The following FAM174B variants were observed in gnomAD, a reference collection of about 807,000 sequenced individuals.
FAM174B encodes membrane protein FAM174B.
FAM174B carries 12 observed loss-of-function variants against 10.9 expected under a neutral mutation model. That is an observed-to-expected ratio of 1.10 (90% CI 0.71 to 1.79). The LOEUF (loss-of-function observed/expected upper bound fraction) is 1.79. FAM174B is among the 40% of genes most tolerant of loss of function. The pLI is 0.00. For synonymous variants in FAM174B, 132 were observed against 115.8 expected, an observed-to-expected ratio of 1.14 and a Z score of -0.90; for missense variants, 266 against 233.3, an observed-to-expected ratio of 1.14 and a Z score of -0.91.
intron 1 of FAM174B, among the ~76,000 whole-genome samples, chr15:92,630,880 T>C (rs62020345): frequency 0.083 from 3,228 of 38,904 alleles, 412 homozygotes; most frequent in Non-Finnish European, 0.19. Context: ...TTATATATTA[T>C]ATATTACGTA....
chr15:92,617,566 T>C lies in FAM174B; in HGVS notation c.*1890A>G. ...GGACCAGTGGCAAGCACCTGGCAGA[T>C]GGAGCCCGGGTGTTTCTGCGTAAGG... On this transcript the variant is annotated 3_prime_UTR_variant, in exon 3 of 3. Coordinates refer to ENST00000327355, the MANE Select transcript of FAM174B (RefSeq NM_207446.3). 3.7e-6 allele frequency: 2 copies of C among 539,502 alleles called. No homozygotes were observed. The highest frequency in any genetic ancestry group is 6.5e-6 in the Non-Finnish European group (2 of 306,168). 33.4% of individuals were successfully genotyped at this position (539,502 alleles called of 1,614,324 possible).
intron 1 of FAM174B, among the ~76,000 whole-genome samples, chr15:92,630,560 T>C (rs982002675): frequency 2.0e-4 from 31 of 151,852 alleles, no homozygotes; most frequent in African/African-American, 6.8e-4. Flanking sequence ...GTTAACACCC[T>C]GCTGCCCCAC....
chr15:92,624,009 G>A (rs1049176511), intron 2 of FAM174B, among the ~76,000 whole-genome samples: 10 of 150,588 alleles, frequency 6.6e-5, no homozygotes, highest in Non-Finnish European at 1.2e-4. Context: ...TCCTGTTCAC[G>A]TAGGCTCCAT....
chr15:92,645,385 AACCC>A (rs2050919753), intron 1 of FAM174B: 2 of 152,278 alleles, frequency 1.3e-5, no homozygotes, highest in Non-Finnish European at 2.9e-5. Context: ...TGGGCCAGAC[AACCC>A]TGAAGAGCTC....
In FAM174B at chr15:92,649,883, C is replaced by T. The variant is rs919284912; in HGVS notation, c.344+5433G>A. Among the ~76,000 whole-genome samples the T allele has an allele frequency of 1.6e-4, 25 of 152,146 alleles. 1 individual carries two copies. The highest frequency in any genetic ancestry group is 1.6e-3 in the Admixed American group (25 of 15,284). On this transcript the variant is annotated intron_variant, in intron 1 of 2. Transcript: ENST00000327355. The stretch of plus-strand genomic sequence containing the variant: ...ACTTCTTCACTGTGGCATATAATAT[C>T]AAACATGAAAGAAGATGAACATTTG...
intron 1 of FAM174B, among the ~76,000 whole-genome samples, chr15:92,654,434 G>T (rs1430070477): frequency 6.6e-6 from 1 of 152,156 alleles, no homozygotes; most frequent in African/African-American, 2.4e-5. Flanking sequence ...GGATTTCCCA[G>T]GCATTAAAGG....
chr15:92,655,159 C>A (rs1262958294), intron 1 of FAM174B, 157 bp downstream of exon 1: 2 of 1,065,030 alleles, frequency 1.9e-6, no homozygotes, highest in Non-Finnish European at 2.5e-6. Context: ...CACACCCCGG[C>A]CCCCCACCCA....
At chr15:92,626,345 G>A (rs190346430) in intron 2 of FAM174B, among the ~76,000 whole-genome samples, 17 of 152,184 alleles carry the variant, frequency 1.1e-4, no homozygotes, top group Admixed American at 3.3e-4. Flanking sequence ...TGATCCGCCC[G>A]CCTCGGCCTC....
chr15:92,632,657 ACAC>A (rs1489380363), intron 1 of FAM174B, among the ~76,000 whole-genome samples: 1 of 150,870 alleles, frequency 6.6e-6, no homozygotes, highest in Non-Finnish European at 1.5e-5. Context: ...CTACAGGTGC[ACAC>A]CACCACAACC....
chr15:92,632,717 T>C (rs527322034), intron 1 of FAM174B, among the ~76,000 whole-genome samples: 21 of 152,102 alleles, frequency 1.4e-4, no homozygotes, highest in African/African-American at 5.1e-4. Flanking sequence ...AGACGAGGTC[T>C]TGTTATGTTG....
chr15:92,638,515 G>T (rs947458637), intron 1 of FAM174B, among the ~76,000 whole-genome samples: 10 of 152,140 alleles, frequency 6.6e-5, no homozygotes, highest in African/African-American at 2.2e-4. Flanking sequence ...AATAAAACAG[G>T]ACTAAACCCT....
intron 1 of FAM174B, among the ~76,000 whole-genome samples, chr15:92,634,981 G>A (rs1467249686): frequency 1.3e-5 from 2 of 152,138 alleles, no homozygotes; most frequent in African/African-American, 2.4e-5. Flanking sequence ...TCTGCAGCTT[G>A]TCCGCATTTA....
At chr15:92,632,327 A>G (rs2050824828) in intron 1 of FAM174B, among the ~76,000 whole-genome samples, 1 of 152,140 alleles carries the variant, frequency 6.6e-6, no homozygotes, top group Non-Finnish European at 1.5e-5. Context: ...GGTGGATCAC[A>G]AGGTCAGGAG....
intron 1 of FAM174B, among the ~76,000 whole-genome samples, chr15:92,639,426 A>G (rs528566317): frequency 3.7e-4 from 56 of 152,244 alleles, no homozygotes; most frequent in Non-Finnish European, 6.8e-4. Context: ...CTGGGGATCT[A>G]AATGAGCTGA....
chr15:92,644,861 G>C (rs980693950), intron 1 of FAM174B, among the ~76,000 whole-genome samples: 9 of 152,218 alleles, frequency 5.9e-5, no homozygotes, highest in Non-Finnish European at 2.9e-5. Context: ...CGGAACAGAG[G>C]TCTTGCACTT....
intron 1 of FAM174B, among the ~76,000 whole-genome samples, chr15:92,630,839 ATATTACATATTACATG>A (rs1352312196): frequency 3.8e-4 from 22 of 57,974 alleles, no homozygotes; most frequent in African/African-American, 8.3e-4. Context: ...TATATTATAT[ATATTACATATTACATG>A]TTACATATTA....
At chr15:92,622,141 G>T (rs147753603) in intron 2 of FAM174B, among the ~76,000 whole-genome samples, 8 of 152,330 alleles carry the variant, frequency 5.3e-5, no homozygotes, top group African/African-American at 1.9e-4. Flanking sequence ...CTCCGTAAGT[G>T]TCTGGGCATC....
At chr15:92,641,557 G>C (rs1436556335) in intron 1 of FAM174B, among the ~76,000 whole-genome samples, 2 of 152,160 alleles carry the variant, frequency 1.3e-5, no homozygotes, top group African/African-American at 4.8e-5. Context: ...AAAGCATAGT[G>C]TATGTGTAAG....
intron 1 of FAM174B, among the ~76,000 whole-genome samples, chr15:92,631,482 T>TTATATATAATTTATAATATATTA (rs1555421194): frequency 9.6e-4 from 54 of 56,248 alleles, no homozygotes; most frequent in Non-Finnish European, 1.3e-3. Context: ...TTATAATATA[T>TTATATATAATTTATAATATATTA]TATATATATA....
Sources: gnomAD v4.1 joint callset for allele counts (sites outside exome capture counted in the v4.1 genomes callset) on GRCh38, gnomAD v4.1.1 for gene constraint, MANE v1.5 for transcripts, NCBI Gene and HGNC (gene_info 2026-07-23, HGNC 2026-07-21) for gene names.